The following RALYL variants were observed in gnomAD, a reference collection of about 807,000 sequenced individuals.
RALYL encodes RNA-binding Raly-like protein.
A neutral mutation model predicts 35.1 loss-of-function variants in RALYL; 29 were observed. The ratio of observed to expected loss-of-function variants is 0.83; its 90% CI spans 0.61 to 1.13. The LOEUF is 1.13. Among genes scored for constraint, RALYL ranks in the 50% most tolerant of loss-of-function variants. The pLI is 0.00. For synonymous variants in RALYL, 120 were observed against 127.6 expected (o/e 0.94, Z 0.40); for missense variants, 359 against 360.4 (o/e 1.00, Z 0.03).
At chr8:84,691,520 A>G (rs562464803) in intron 2 of RALYL, among the ~76,000 whole-genome samples, 1 of 152,196 alleles carries the variant, frequency 6.6e-6, no homozygotes, top group African/African-American at 2.4e-5. Flanking sequence ...AGACTTCCAA[A>G]TCATTATCTG....
chr8:84,533,114 A>T (rs186502707), intron 2 of RALYL, among the ~76,000 whole-genome samples: 159 of 152,260 alleles, frequency 1.0e-3, no homozygotes, highest in Non-Finnish European at 1.8e-3. Context: ...AAAAATCCTC[A>T]TAAAACTTTA....
At chr8:84,438,972 G>A (rs750279948) in intron 1 of RALYL, among the ~76,000 whole-genome samples, 12 of 151,754 alleles carry the variant, frequency 7.9e-5, no homozygotes, top group East Asian at 5.8e-4. Flanking sequence ...TACCAACGTA[G>A]GCCTTGGTTA....
At chr8:84,241,515 T>C (rs1055489415) in intron 1 of RALYL, among the ~76,000 whole-genome samples, 1 of 152,118 alleles carries the variant, frequency 6.6e-6, no homozygotes. Context: ...CGGTGGCTCA[T>C]GCCTGTAATC....
At chr8:84,414,807 G>C (rs1458873831) in intron 1 of RALYL, among the ~76,000 whole-genome samples, 2 of 152,058 alleles carry the variant, frequency 1.3e-5, no homozygotes, top group Non-Finnish European at 2.9e-5. Context: ...AGAGACCTTA[G>C]AGTTCTACAC....
At chr8:84,519,986 C>T (rs1402480018) in intron 1 of RALYL, among the ~76,000 whole-genome samples, 2 of 152,164 alleles carry the variant, frequency 1.3e-5, no homozygotes, top group Non-Finnish European at 2.9e-5. Flanking sequence ...TGCACAAACC[C>T]TGATAGTGTA....
intron 1 of RALYL, among the ~76,000 whole-genome samples, chr8:84,266,770 C>G (rs1255467072): frequency 6.6e-6 from 1 of 151,966 alleles, no homozygotes; most frequent in Non-Finnish European, 1.5e-5. Context: ...ACCATCCGGG[C>G]TAACACGGTG....
chr8:84,766,720 CAAAAAAAAAAA>C (rs751821694), intron 2 of RALYL, among the ~76,000 whole-genome samples: 4 of 18,022 alleles, frequency 2.2e-4, no homozygotes, highest in Admixed American at 7.2e-4. Flanking sequence ...GAGACTGTCT[CAAAAAAAAAAA>C]AAAAAAAAAA....
chr8:84,555,569 A>C (rs1228955853), intron 2 of RALYL, among the ~76,000 whole-genome samples: 1 of 152,222 alleles, frequency 6.6e-6, no homozygotes, highest in East Asian at 1.9e-4. Flanking sequence ...TCATTCAAGG[A>C]AACATTTCCT....
intron 2 of RALYL, among the ~76,000 whole-genome samples, chr8:84,744,214 T>C (rs1808077334): frequency 6.6e-6 from 1 of 151,984 alleles, no homozygotes; most frequent in Admixed American, 6.6e-5. Context: ...AACATTTGCT[T>C]AGCCACTGCT....
intron 8 of RALYL, among the ~76,000 whole-genome samples, chr8:84,916,335 A>T (rs919164007): frequency 5.9e-5 from 9 of 151,872 alleles, no homozygotes; most frequent in African/African-American, 2.2e-4. Context: ...TCTGAAAAAG[A>T]GGGTTCTTTT....
rs577104784 is a variant in RALYL, at chr8:84,644,774, CAG to C, written c.256+115200_256+115201del. Among the ~76,000 whole-genome samples the C allele has an allele frequency of 3.7e-3, 552 of 150,688 alleles. 4 individuals are homozygous for C. The highest frequency in any genetic ancestry group is 0.012 in the African/African-American group (509 of 40,992). On this transcript the variant is annotated intron_variant, in intron 2 of 8. Coordinates refer to ENST00000521268, the MANE Select transcript of RALYL (RefSeq NM_173848.7). ...TCTTCTTCTTATTATTTTTTTGAGACAGAGTCTTGCTCTCTTGCCCGGGCTGG... is the reference window on the plus strand; with the variant it reads ...TCTTCTTCTTATTATTTTTTTGAGACAGTCTTGCTCTCTTGCCCGGGCTGG...
rs555578643 is a variant in RALYL at position 84,657,784 on chromosome 8, G to T, written c.257-116795G>T. ...GCTCTAGATGAGATGTTGCAACAGGGCTACAGAGCTGTCAGTCCTGATTGG... is the reference window on the plus strand; with the variant it reads ...GCTCTAGATGAGATGTTGCAACAGGTCTACAGAGCTGTCAGTCCTGATTGG... On this transcript the variant is annotated intron_variant, in intron 2 of 8. Transcript: ENST00000521268. Among the ~76,000 whole-genome samples the T allele has an allele frequency of 5.9e-5, 9 of 152,282 alleles. No individual in the cohort carries two copies. In the South Asian group the frequency reaches 1.9e-3, roughly 32 times the overall value.
At chr8:84,200,563 A>G (rs1221834624) in intron 1 of RALYL, among the ~76,000 whole-genome samples, 2 of 152,186 alleles carry the variant, frequency 1.3e-5, no homozygotes, top group Non-Finnish European at 2.9e-5. Flanking sequence ...GTATCTTAAA[A>G]TAATTTTAAC....
At chr8:84,621,262 G>C (rs1821363501) in intron 2 of RALYL, among the ~76,000 whole-genome samples, 1 of 152,176 alleles carries the variant, frequency 6.6e-6, no homozygotes, top group Non-Finnish European at 1.5e-5. Flanking sequence ...CGTGGGCGTA[G>C]GACTCTCTGA....
intron 1 of RALYL, among the ~76,000 whole-genome samples, chr8:84,343,139 C>T (rs1849172680): frequency 6.6e-6 from 1 of 151,918 alleles, no homozygotes; most frequent in African/African-American, 2.4e-5. Flanking sequence ...GGTTACTTCT[C>T]TATGAAAATT....
chr8:84,682,762 T>C (rs1004386298), intron 2 of RALYL, among the ~76,000 whole-genome samples: 2 of 152,156 alleles, frequency 1.3e-5, no homozygotes, highest in African/African-American at 2.4e-5. Context: ...TAGCGGTCTA[T>C]CAATTTTGTT....
chr8:84,507,657 CAG>C (rs1415741747), intron 1 of RALYL, among the ~76,000 whole-genome samples: 1 of 152,166 alleles, frequency 6.6e-6, no homozygotes, highest in Non-Finnish European at 1.5e-5. Context: ...TTATAGCTAA[CAG>C]AGGTTTATTT....
intron 1 of RALYL, among the ~76,000 whole-genome samples, chr8:84,274,892 AC>A (rs925326178): frequency 6.6e-6 from 1 of 152,144 alleles, no homozygotes; most frequent in African/African-American, 2.4e-5. Flanking sequence ...TTAGAGCTCT[AC>A]CATCAGAGTG....
intron 1 of RALYL, among the ~76,000 whole-genome samples, chr8:84,405,113 T>G (rs139037937): frequency 0.029 from 4,489 of 152,250 alleles, 219 homozygotes; most frequent in African/African-American, 0.1. Flanking sequence ...CCTGAATGAC[T>G]ACTGGGTAAA....
Sources: allele counts gnomAD v4.1 joint callset (sites outside exome capture counted in the v4.1 genomes callset), GRCh38; gene constraint gnomAD v4.1.1; transcripts MANE v1.5; gene names NCBI Gene and HGNC (gene_info 2026-07-23, HGNC 2026-07-21).